Variants in PDE4B observed in about 807,000 individuals in gnomAD.
The protein encoded by PDE4B is phosphodiesterase 4B.
A neutral mutation model predicts 82.2 loss-of-function variants in PDE4B; 20 were observed. The ratio of observed to expected loss-of-function variants is 0.24; its 90% CI spans 0.17 to 0.35. The LOEUF is 0.35. Among genes scored for constraint, PDE4B ranks in the 10% least tolerant of loss-of-function variants. PDE4B has a pLI of 1.00. For missense variants in PDE4B, 655 were observed against 907.2 expected (o/e 0.72, Z 3.57); for synonymous variants, 320 against 318.9 (o/e 1.00, Z -0.04).
intron 3 of PDE4B, among the ~76,000 whole-genome samples, chr1:66,166,813 A>G (rs983655781): frequency 6.6e-6 from 1 of 152,182 alleles, no homozygotes; most frequent in Non-Finnish European, 1.5e-5. Flanking sequence ...GATAAGGGAC[A>G]TGTTTCTAGA....
At chr1:66,136,577 G>A (rs1256472816) in intron 3 of PDE4B, among the ~76,000 whole-genome samples, 1 of 151,684 alleles carries the variant, frequency 6.6e-6, no homozygotes, top group Non-Finnish European at 1.5e-5. Context: ...GGGCGTGGTG[G>A]CAGGTGCCTG....
intron 3 of PDE4B, among the ~76,000 whole-genome samples, chr1:66,246,638 C>A (rs1234195551): frequency 1.3e-5 from 2 of 152,180 alleles, no homozygotes; most frequent in Non-Finnish European, 2.9e-5. Flanking sequence ...AGCGTGGATA[C>A]AGAAAACAAG....
At chr1:66,363,693 C>T in intron 12 of PDE4B, 122 bp downstream of exon 12, 2 of 742,682 alleles carry the variant, frequency 2.7e-6, no homozygotes, top group Admixed American at 3.0e-5. Flanking sequence ...GGGAGGATTG[C>T]TTGAGCCCAG....
intron 3 of PDE4B, among the ~76,000 whole-genome samples, chr1:66,140,990 A>G (rs1316604716): frequency 6.6e-6 from 1 of 152,202 alleles, no homozygotes; most frequent in African/African-American, 2.4e-5. Context: ...TGAATACAGT[A>G]GTTCCACATT....
At chr1:66,000,582 T>C (rs1318003344) in intron 3 of PDE4B, among the ~76,000 whole-genome samples, 2 of 152,188 alleles carry the variant, frequency 1.3e-5, no homozygotes, top group African/African-American at 2.4e-5. Flanking sequence ...GACATAAATA[T>C]GTTTGAATAC....
intron 7 of PDE4B, among the ~76,000 whole-genome samples, chr1:66,329,317 T>C (rs1659947984): frequency 6.6e-6 from 1 of 152,222 alleles, no homozygotes; most frequent in Non-Finnish European, 1.5e-5. Flanking sequence ...GTGTTATCTT[T>C]GCAATTTTTC....
rs187267509 is a variant in PDE4B at position 66,143,512 on chromosome 1, T to C, written c.282-103948T>C. ...ACAGGACAGTGAAGTCAGAAGATCC[T>C]TGATGCTGTGCCAGCCAGGGTGCTT... On this transcript the variant is annotated intron_variant, in intron 3 of 16. Coordinates refer to ENST00000341517, the MANE Select transcript of PDE4B (RefSeq NM_002600.4). 2.6e-3 allele frequency among the ~76,000 whole-genome samples: 392 copies of C among 152,288 alleles called. 3 individuals carry two copies. The highest frequency in any genetic ancestry group is 9.0e-3 in the African/African-American group (374 of 41,566).
At chr1:66,368,693 G>T (rs765419503) in intron 15 of PDE4B, 94 bp from the exon 16 acceptor site, 2 of 947,174 alleles carry the variant, frequency 2.1e-6, no homozygotes, top group Admixed American at 2.9e-5. Flanking sequence ...ATGTTCTCGG[G>T]TTTAGTACCA....
intron 3 of PDE4B, among the ~76,000 whole-genome samples, chr1:65,933,321 A>T (rs56392179): frequency 0.018 from 2,557 of 145,292 alleles, 18 homozygotes; most frequent in Non-Finnish European, 0.025. Context: ...TGCTGAAATT[A>T]AAAAAAAAAA....
At chr1:65,896,951 G>A (rs76549404) in intron 1 of PDE4B, among the ~76,000 whole-genome samples, 2,086 of 152,180 alleles carry the variant, frequency 0.014, 59 homozygotes, top group African/African-American at 0.048. Context: ...AAGGAAGTGA[G>A]GTTGAAAGAG....
chr1:66,014,641 T>A (rs1185790809), intron 3 of PDE4B, among the ~76,000 whole-genome samples: 1 of 152,106 alleles, frequency 6.6e-6, no homozygotes, highest in Non-Finnish European at 1.5e-5. Flanking sequence ...CATACTTTGG[T>A]CCAAACCATA....
At chr1:66,221,906 T>TTA (rs386354014) in intron 3 of PDE4B, among the ~76,000 whole-genome samples, 12 of 151,362 alleles carry the variant, frequency 7.9e-5, no homozygotes, top group East Asian at 1.9e-4. Flanking sequence ...TTTTTTTTTT[T>TTA]ATCTCCATGT....
chr1:66,357,689 C>A (rs1287828128), intron 9 of PDE4B, among the ~76,000 whole-genome samples: 1 of 151,750 alleles, frequency 6.6e-6, no homozygotes, highest in Non-Finnish European at 1.5e-5. Flanking sequence ...ATGTGGTAAA[C>A]CCCATCAAAC....
At chr1:66,182,648 A>C (rs545001726) in intron 3 of PDE4B, among the ~76,000 whole-genome samples, 1 of 152,262 alleles carries the variant, frequency 6.6e-6, no homozygotes, top group South Asian at 2.1e-4. Flanking sequence ...GAAAAGAATA[A>C]AACCTCAGTA....
intron 3 of PDE4B, among the ~76,000 whole-genome samples, chr1:65,988,605 G>A (rs1651074620): frequency 6.6e-6 from 1 of 150,602 alleles, no homozygotes; most frequent in African/African-American, 2.4e-5. Flanking sequence ...TATTAATATT[G>A]ATAGTCTTAA....
chr1:65,975,653 G>A (rs931333208), intron 3 of PDE4B, among the ~76,000 whole-genome samples: 1 of 152,186 alleles, frequency 6.6e-6, no homozygotes, highest in Non-Finnish European at 1.5e-5. Flanking sequence ...CTGGCCCAGG[G>A]CCCTGTTGCT....
At chr1:66,043,641 G>A (rs1021398570) in intron 3 of PDE4B, among the ~76,000 whole-genome samples, 25 of 151,652 alleles carry the variant, frequency 1.6e-4, no homozygotes, top group African/African-American at 5.6e-4. Context: ...AAAGACCAAC[G>A]AAACCATGAA....
intron 3 of PDE4B, among the ~76,000 whole-genome samples, chr1:66,087,893 A>G (rs1293101115): frequency 2.0e-5 from 3 of 148,058 alleles, no homozygotes; most frequent in East Asian, 4.0e-4. Context: ...GGGGAGGGAT[A>G]GCATTGGGAG....
intron 3 of PDE4B, among the ~76,000 whole-genome samples, chr1:66,089,267 G>A (rs189705886): frequency 1.1e-4 from 16 of 152,198 alleles, no homozygotes; most frequent in South Asian, 2.1e-4. Context: ...ATAGCCATCC[G>A]CTACGTAGCC....
Sources: gnomAD v4.1 joint callset for allele counts (sites outside exome capture counted in the v4.1 genomes callset) on GRCh38, gnomAD v4.1.1 for gene constraint, MANE v1.5 for transcripts, NCBI Gene and HGNC (gene_info 2026-07-23, HGNC 2026-07-21) for gene names.